Variants in CD2 observed in about 807,000 individuals in gnomAD.
CD2 encodes T-cell surface antigen CD2.
In CD2, 18 loss-of-function variants were observed where a neutral mutation model predicts 23.2. The ratio of observed to expected loss-of-function variants is 0.77; its 90% confidence interval spans 0.54 to 1.15. The LOEUF is 1.15. CD2 is among the 50% of genes most tolerant of loss of function. The pLI is 0.00. For missense variants in CD2, 424 were observed against 423.1 expected, an observed-to-expected ratio of 1.00 and a Z score of -0.02; for synonymous variants, 162 against 151.9, an observed-to-expected ratio of 1.07 and a Z score of -0.49.
intron 4 of CD2, among the ~76,000 whole-genome samples, chr1:116,765,949 A>G (rs1156309504): frequency 1.3e-5 from 2 of 152,266 alleles, no homozygotes; most frequent in African/African-American, 2.4e-5. Flanking sequence ...AACACAGATG[A>G]GGAAGCTTAA....
intron 4 of CD2, among the ~76,000 whole-genome samples, chr1:116,768,055 A>G (rs2101174086): frequency 6.6e-6 from 1 of 152,294 alleles, no homozygotes; most frequent in East Asian, 1.9e-4. Flanking sequence ...AATGCCTCAG[A>G]AGGAATGTAG....
intron 2 of CD2, among the ~76,000 whole-genome samples, chr1:116,755,264 G>A (rs1471591451): frequency 6.6e-6 from 1 of 152,216 alleles, no homozygotes; most frequent in Admixed American, 6.5e-5. Context: ...CGAGGGAAAA[G>A]GCAACTGTTC....
chr1:116,754,440 C>A lies in CD2; in HGVS notation c.-53C>A. 6.6e-7 allele frequency: 1 copy of A among 1,505,408 alleles called. No homozygotes were observed. The highest frequency in any genetic ancestry group is 9.2e-7 in the Non-Finnish European group (1 of 1,087,660). The allele number at this position is 1,505,408 out of a possible 1,614,324, so 93.3% of individuals were successfully genotyped here. The stretch of plus-strand genomic sequence containing the variant: ...GGTGTGGACTCCACCAGTCTCACTT[C>A]AGTTCCTTTTGCATGAAGAGCTCAG... On this transcript the variant is annotated 5_prime_UTR_variant, in exon 1 of 5. Transcript: ENST00000369478.
chr1:116,756,775 C>A (rs1419827927), intron 2 of CD2, among the ~76,000 whole-genome samples: 1 of 152,146 alleles, frequency 6.6e-6, no homozygotes, highest in Non-Finnish European at 1.5e-5. Flanking sequence ...CATACAACAT[C>A]TTGATTCAAC....
rs1652016906 is a variant in CD2 at position 116,760,575 on chromosome 1, T to G, written c.556T>G (p.Cys186Gly). Residue 186 changes from cysteine to glycine, a missense_variant, in exon 3 of 5, where the codon TGC becomes GGC. Transcript: ENST00000369478. The part of the protein sequence containing the change: ...WTTSLSAKFK[C>G]TAGNKVSKES... ...CACCAGCCTGAGTGCAAAATTCAAG[T>G]GCACAGCAGGGAACAAAGTCAGCAA... 2 of 1,614,042 alleles carry G rather than the reference T, an allele frequency of 1.2e-6. No homozygotes were observed. Among genetic ancestry groups the G allele is most frequent in the Non-Finnish European group, 1.7e-6 (2 of 1,180,012 alleles).
Position 116,754,828 on chromosome 1 carries a change from T to C in CD2, c.259T>C (p.Phe87Leu). The change falls in exon 2 of 5, where the codon TTT (phenylalanine) becomes CTT (leucine). Residue 87 changes from phenylalanine (F) to leucine (L), a missense_variant. By Grantham distance (22) the Phe-to-Leu change is conservative. Transcript: ENST00000369478. ...TFKEKDTYKL[F>L]KNGTLKIKHL... ...CAAGGAAAAAGATACATATAAGCTATTTAAAAATGGAACTCTGAAAATTAA... is the reference window on the plus strand; with the variant it reads ...CAAGGAAAAAGATACATATAAGCTACTTAAAAATGGAACTCTGAAAATTAA... The C allele has an allele frequency of 6.2e-7, 1 of 1,612,830 alleles. No individual in the cohort carries two copies. Among genetic ancestry groups the C allele is most frequent in the Non-Finnish European group, 8.5e-7 (1 of 1,178,942 alleles).
chr1:116,756,219 C>A (rs1001472655), intron 2 of CD2, among the ~76,000 whole-genome samples: 1 of 152,094 alleles, frequency 6.6e-6, no homozygotes, highest in Non-Finnish European at 1.5e-5. Context: ...CTGAAAAGGG[C>A]CTCTGATTAT....
chr1:116,759,888 AAGGTCCCC>A (rs1288094558), intron 2 of CD2, among the ~76,000 whole-genome samples: 2 of 152,206 alleles, frequency 1.3e-5, no homozygotes, highest in Non-Finnish European at 2.9e-5. Context: ...AGAGGTATCC[AAGGTCCCC>A]AGTCACATGT....
At chr1:116,754,983 C>G in intron 2 of CD2, 32 bp downstream of exon 2, 1 of 1,452,698 alleles carries the variant, frequency 6.9e-7, no homozygotes, top group Non-Finnish European at 9.5e-7. Context: ...TGCTTTATTT[C>G]AGTGTGGGTG....
intron 3 of CD2, among the ~76,000 whole-genome samples, chr1:116,763,636 C>T (rs1652122802): frequency 6.6e-6 from 1 of 152,204 alleles, no homozygotes. Context: ...CTTCCAACAG[C>T]CACCCTATGA....
chr1:116,768,528 A>C lies in CD2; in HGVS notation c.801A>C (p.Gln267His), dbSNP rs758471774. Residue 267 changes from glutamine to histidine, a missense_variant, in exon 5 of 5, where the codon CAA becomes CAC. Transcript: ENST00000369478. ...AAGAAAGGGGCCGGAAGCCCCACCA[A>C]ATTCCAGCTTCAACCCCTCAGAATC... Reference protein sequence around the residue: ...ATEERGRKPHQIPASTPQNPA... With the variant: ...ATEERGRKPHHIPASTPQNPA... 2 of 1,613,926 alleles carry C rather than the reference A, an allele frequency of 1.2e-6. No individual in the cohort carries two copies. Among genetic ancestry groups the C allele is most frequent in the Non-Finnish European group, 1.7e-6 (2 of 1,180,014 alleles).
chr1:116,755,365 CA>C (rs1651807935), intron 2 of CD2, among the ~76,000 whole-genome samples: 1 of 152,336 alleles, frequency 6.6e-6, no homozygotes, highest in East Asian at 1.9e-4. Context: ...GAGCCCATTT[CA>C]AGCCAGGCTG....
intron 4 of CD2, among the ~76,000 whole-genome samples, chr1:116,765,586 C>T (rs1232551001): frequency 6.8e-6 from 1 of 146,924 alleles, no homozygotes; most frequent in Non-Finnish European, 1.6e-5. Flanking sequence ...GGCCCCGAAA[C>T]ATCATCCTGA....
chr1:116,766,874 CAAAT>C (rs1652233071), intron 4 of CD2, among the ~76,000 whole-genome samples: 1 of 151,782 alleles, frequency 6.6e-6, no homozygotes, highest in Non-Finnish European at 1.5e-5. Flanking sequence ...AAAAACAAAA[CAAAT>C]AAAAAACAAA....
chr1:116,756,991 CTT>C (rs141857831), intron 2 of CD2, among the ~76,000 whole-genome samples: 99 of 104,520 alleles, frequency 9.5e-4, no homozygotes, highest in Admixed American at 1.9e-3. Context: ...CCAAGCTTCT[CTT>C]TTTTTTTTTT....
At position 116,760,431 on chromosome 1, in the gene CD2, A is replaced by G. The variant is rs777272827; in HGVS notation, c.412A>G (p.Thr138Ala). 1.2e-6 allele frequency: 2 copies of G among 1,614,142 alleles called. No individual in the cohort carries two copies. The highest frequency in any genetic ancestry group is 8.5e-7 in the Non-Finnish European group (1 of 1,180,000). The change falls in exon 3 of 5, where the codon ACT becomes GCT. Residue 138 changes from threonine to alanine, a missense_variant. By Grantham distance (58) the Thr-to-Ala change is moderately conservative. Transcript: ENST00000369478. ...GGTCTCAAAACCAAAGATCTCCTGG[A>G]CTTGTATCAACACAACCCTGACCTG... ...ERVSKPKISW[T>A]CINTTLTCEV...
rs1460521454 is a variant in CD2, at chr1:116,755,086, C to G, written c.382+135C>G. ...TATACAGGAAACCAGATGCATGTCTCCTGCCCCAGTGGAGACTGTGGTCCA... is the reference window on the plus strand; with the variant it reads ...TATACAGGAAACCAGATGCATGTCTGCTGCCCCAGTGGAGACTGTGGTCCA... On this transcript the variant is annotated intron_variant, in intron 2 of 4. Coordinates refer to ENST00000369478, the MANE Select transcript of CD2 (RefSeq NM_001767.5). 7.7e-6 allele frequency: 5 copies of G among 648,768 alleles called. No homozygotes were observed. The East Asian group carries it at 1.4e-4, about 18-fold the overall frequency. 40.2% of individuals were successfully genotyped at this position (648,768 alleles called of 1,614,324 possible).
At chr1:116,756,584 C>T (rs1651857092) in intron 2 of CD2, among the ~76,000 whole-genome samples, 1 of 151,640 alleles carries the variant, frequency 6.6e-6, no homozygotes, top group Admixed American at 6.6e-5. Context: ...TTTTTTTTTC[C>T]AAGCAGCTTC....
chr1:116,755,108 T>C, intron 2 of CD2, 157 bp downstream of exon 2: 1 of 622,534 alleles, frequency 1.6e-6, no homozygotes, highest in Non-Finnish European at 2.9e-6. Flanking sequence ...GAGACTGTGG[T>C]CCAATGCGGG....
Sources: gnomAD v4.1 joint callset for allele counts (sites outside exome capture counted in the v4.1 genomes callset) on GRCh38, gnomAD v4.1.1 for gene constraint, MANE v1.5 for transcripts, NCBI Gene and HGNC (gene_info 2026-07-23, HGNC 2026-07-21) for gene names.